The following BTRC variants were observed in gnomAD, a reference collection of about 807,000 sequenced individuals.
The protein encoded by BTRC is beta-transducin repeat containing E3 ubiquitin protein ligase.
BTRC carries 42 observed loss-of-function variants against 85.5 expected under a neutral mutation model. The ratio of observed to expected loss-of-function variants is 0.49; its 90% CI spans 0.38 to 0.64. The LOEUF (loss-of-function observed/expected upper bound fraction) is 0.64, where lower values mean the gene tolerates loss of function less well. Among genes scored for constraint, BTRC ranks in the 30% least tolerant of loss-of-function variants. The pLI is 0.00. For missense variants in BTRC, 594 were observed against 743.5 expected, an observed-to-expected ratio of 0.80 and a Z score of 2.34; for synonymous variants, 255 against 263.3, an observed-to-expected ratio of 0.97 and a Z score of 0.30.
At chr10:101,492,676 A>G (rs1004866060) in intron 4 of BTRC, among the ~76,000 whole-genome samples, 1 of 152,162 alleles carries the variant, frequency 6.6e-6, no homozygotes, top group Non-Finnish European at 1.5e-5. Flanking sequence ...CTTTCTTTAG[A>G]TAATAAGGAG....
intron 4 of BTRC, among the ~76,000 whole-genome samples, chr10:101,480,501 C>A (rs1398945419): frequency 6.6e-6 from 1 of 152,206 alleles, no homozygotes; most frequent in Non-Finnish European, 1.5e-5. Flanking sequence ...TAGATGGTGC[C>A]TTCTCACTGC....
At chr10:101,430,964 A>T (rs1944386789) in intron 2 of BTRC, among the ~76,000 whole-genome samples, 1 of 151,582 alleles carries the variant, frequency 6.6e-6, no homozygotes, top group Non-Finnish European at 1.5e-5. Flanking sequence ...TAACATTTCT[A>T]ATTTCTAGGT....
chr10:101,415,598 A>G (rs1206986515), intron 1 of BTRC, among the ~76,000 whole-genome samples: 1 of 147,396 alleles, frequency 6.8e-6, no homozygotes, highest in Non-Finnish European at 1.5e-5. Flanking sequence ...CTGGAGTGCA[A>G]TGGCGTGATC....
chr10:101,419,308 G>A (rs1944034848), intron 1 of BTRC, among the ~76,000 whole-genome samples: 1 of 152,252 alleles, frequency 6.6e-6, no homozygotes, highest in African/African-American at 2.4e-5. Flanking sequence ...ACTTCGTCTG[G>A]CCAGTACCTC....
intron 1 of BTRC, among the ~76,000 whole-genome samples, chr10:101,426,607 G>A (rs1447579061): frequency 6.6e-6 from 1 of 152,132 alleles, no homozygotes; most frequent in Non-Finnish European, 1.5e-5. Context: ...GTGTTAGAAC[G>A]AGTAAGTAAA....
chr10:101,503,115 T>C (rs900191440), intron 4 of BTRC, among the ~76,000 whole-genome samples: 2 of 152,186 alleles, frequency 1.3e-5, no homozygotes, highest in Non-Finnish European at 2.9e-5. Context: ...ACACTCCAGG[T>C]AAATAGTAGA....
chr10:101,365,397 C>T (rs1354967072), intron 1 of BTRC, among the ~76,000 whole-genome samples: 5 of 150,094 alleles, frequency 3.3e-5, no homozygotes, highest in Non-Finnish European at 7.4e-5. Context: ...TTTTTTGAGA[C>T]AGTCTCACTC....
At chr10:101,401,267 T>C (rs551768324) in intron 1 of BTRC, among the ~76,000 whole-genome samples, 2 of 152,304 alleles carry the variant, frequency 1.3e-5, no homozygotes, top group South Asian at 2.1e-4. Flanking sequence ...TTTACTCTTA[T>C]CACGTGAATG....
chr10:101,552,662 G>A (rs1317842942), intron 14 of BTRC, among the ~76,000 whole-genome samples: 1 of 152,080 alleles, frequency 6.6e-6, no homozygotes, highest in African/African-American at 2.4e-5. Context: ...AGCTGTCCTT[G>A]AAGATAGCAA....
At chr10:101,457,370 A>G (rs1945109967) in intron 2 of BTRC, among the ~76,000 whole-genome samples, 2 of 152,190 alleles carry the variant, frequency 1.3e-5, no homozygotes, top group African/African-American at 2.4e-5. Flanking sequence ...GGAGCAGACA[A>G]TGTCAATGAC....
At chr10:101,467,345 T>TA (rs1554883061) in intron 3 of BTRC, among the ~76,000 whole-genome samples, 2 of 145,926 alleles carry the variant, frequency 1.4e-5, no homozygotes, top group Admixed American at 6.8e-5. Flanking sequence ...TTTTTTTTTT[T>TA]CTCTCTATTT....
intron 14 of BTRC, 88 bp downstream of exon 14, chr10:101,550,979 G>T: frequency 7.9e-7 from 1 of 1,265,874 alleles, no homozygotes. Flanking sequence ...ACTTTCTCCT[G>T]CCGTTTGGGT....
intron 1 of BTRC, among the ~76,000 whole-genome samples, chr10:101,428,919 G>A (rs1174913529): frequency 6.6e-6 from 1 of 152,184 alleles, no homozygotes; most frequent in Non-Finnish European, 1.5e-5. Context: ...ACCCATCTCA[G>A]TCTTCTGAGT....
intron 6 of BTRC, among the ~76,000 whole-genome samples, chr10:101,528,192 CT>C (rs1376693020): frequency 6.6e-6 from 1 of 152,184 alleles, no homozygotes; most frequent in Non-Finnish European, 1.5e-5. Flanking sequence ...CCCATTTGGA[CT>C]GTAAATGACA....
chr10:101,513,336 A>G (rs2061980471), intron 4 of BTRC, among the ~76,000 whole-genome samples: 1 of 152,186 alleles, frequency 6.6e-6, no homozygotes, highest in African/African-American at 2.4e-5. Flanking sequence ...AAATACACCC[A>G]TTTTAAGTAT....
intron 2 of BTRC, among the ~76,000 whole-genome samples, chr10:101,453,919 G>A (rs570414376): frequency 9.2e-5 from 14 of 152,282 alleles, no homozygotes; most frequent in Non-Finnish European, 1.5e-4. Flanking sequence ...TACCTCTTCC[G>A]TTGTAGTGTG....
chr10:101,543,768 T>C (rs1264642976), intron 13 of BTRC, among the ~76,000 whole-genome samples: 1 of 152,222 alleles, frequency 6.6e-6, no homozygotes, highest in East Asian at 1.9e-4. Context: ...TCATGTATAA[T>C]GTAGGAAACT....
At chr10:101,385,618 C>CTTTTTTTTTTTTTTTTT (rs36030307) in intron 1 of BTRC, among the ~76,000 whole-genome samples, 35 of 79,776 alleles carry the variant, frequency 4.4e-4, no homozygotes, top group Non-Finnish European at 7.7e-4. Context: ...TCTTCTTCTT[C>CTTTTTTTTTTTTTTTTT]TTTTTTTTTT....
At chr10:101,384,158 C>T (rs1943007379) in intron 1 of BTRC, among the ~76,000 whole-genome samples, 1 of 152,194 alleles carries the variant, frequency 6.6e-6, no homozygotes, top group South Asian at 2.1e-4. Context: ...ACTTTAGCAA[C>T]TGGTTTTGTT....
Sources: gnomAD v4.1 joint callset for allele counts (sites outside exome capture counted in the v4.1 genomes callset) on GRCh38, gnomAD v4.1.1 for gene constraint, MANE v1.5 for transcripts, NCBI Gene and HGNC (gene_info 2026-07-23, HGNC 2026-07-21) for gene names.